The following RIMKLB variants were observed in gnomAD, a reference collection of about 807,000 sequenced individuals.
RIMKLB encodes ribosomal modification protein rimK like family member B.
In RIMKLB, 7 loss-of-function variants were observed where a neutral mutation model predicts 32.0. The observed-to-expected ratio is 0.22, with a 90% CI of 0.12 to 0.41. The LOEUF is 0.41. RIMKLB is among the 10% of genes least tolerant of loss of function. RIMKLB has a pLI of 1.00. For synonymous variants in RIMKLB, 172 were observed against 185.1 expected (o/e 0.93, Z 0.57); for missense variants, 289 against 498.7 (o/e 0.58, Z 4.00).
intron 1 of RIMKLB, among the ~76,000 whole-genome samples, chr12:8,712,619 G>A (rs1248041494): frequency 3.3e-5 from 5 of 152,134 alleles, no homozygotes; most frequent in African/African-American, 1.2e-4. Flanking sequence ...GGTCAAGAGA[G>A]AGGTAGGTGG....
intron 5 of RIMKLB, among the ~76,000 whole-genome samples, chr12:8,768,311 G>A (rs774486659): frequency 1.1e-3 from 160 of 152,330 alleles, no homozygotes; most frequent in African/African-American, 3.7e-3. Context: ...GGAAGTCAAC[G>A]GTGGGTCTGG....
At chr12:8,687,865 A>G (rs989319204) in intron 1 of RIMKLB, among the ~76,000 whole-genome samples, 4 of 151,294 alleles carry the variant, frequency 2.6e-5, no homozygotes, top group Admixed American at 2.0e-4. Context: ...GAGAGCTTCA[A>G]GAAACAATTG....
intron 1 of RIMKLB, among the ~76,000 whole-genome samples, chr12:8,709,251 A>G (rs1180625614): frequency 3.3e-5 from 5 of 152,274 alleles, no homozygotes; most frequent in Non-Finnish European, 7.3e-5. Flanking sequence ...CTGGATCATT[A>G]GCAGGACTGT....
upstream of RIMKLB, among the ~76,000 whole-genome samples, chr12:8,696,670 AG>A (rs765343724): frequency 2.5e-4 from 38 of 152,258 alleles, no homozygotes; most frequent in East Asian, 6.4e-3. Flanking sequence ...CAATCCGGGC[AG>A]TCTGGATCCA....
intron 4 of RIMKLB, 73 bp downstream of exon 4, chr12:8,752,116 G>GA (rs971650839): frequency 7.3e-6 from 7 of 961,510 alleles, no homozygotes; most frequent in Non-Finnish European, 1.1e-5. Flanking sequence ...TGACTTTGAA[G>GA]AATAGTTAGA....
chr12:8,699,609 G>C (rs1271828449), intron 1 of RIMKLB, among the ~76,000 whole-genome samples: 1 of 152,038 alleles, frequency 6.6e-6, no homozygotes, highest in Admixed American at 6.6e-5. Flanking sequence ...CAAAGGGGAG[G>C]AGGCCTATTT....
chr12:8,771,818 TC>T (rs1467843527), intron 5 of RIMKLB, among the ~76,000 whole-genome samples: 1 of 152,234 alleles, frequency 6.6e-6, no homozygotes, highest in African/African-American at 2.4e-5. Flanking sequence ...TTATTGCCTC[TC>T]CATCTGTTTC....
At chr12:8,682,229 G>A (rs1000040783) in intron 1 of RIMKLB, among the ~76,000 whole-genome samples, 2 of 152,056 alleles carry the variant, frequency 1.3e-5, no homozygotes, top group African/African-American at 4.8e-5. Context: ...TCCTAAATCG[G>A]GACACGAGAG....
intron 1 of RIMKLB, among the ~76,000 whole-genome samples, chr12:8,707,665 T>C (rs184096469): frequency 8.9e-4 from 136 of 152,310 alleles, no homozygotes; most frequent in African/African-American, 3.1e-3. Flanking sequence ...CCTTGGTCTT[T>C]CTGGTGACCA....
chr12:8,780,281 G>A (rs1950956748), downstream of RIMKLB: 2 of 152,202 alleles, frequency 1.3e-5, no homozygotes, highest in African/African-American at 4.8e-5. Flanking sequence ...GGTAGGTAAA[G>A]AAGGAAACAG....
chr12:8,777,215 C>CTTTTTTGTTTTTTT (rs1950778506), downstream of RIMKLB: 1 of 644,906 alleles, frequency 1.6e-6, no homozygotes, highest in Non-Finnish European at 1.8e-6. Context: ...TGCTTGCTTT[C>CTTTTTTGTTTTTTT]TTTTTTTTTT....
At chr12:8,742,190 GC>G (rs1947620298) in intron 2 of RIMKLB, among the ~76,000 whole-genome samples, 1 of 151,906 alleles carries the variant, frequency 6.6e-6, no homozygotes, top group Non-Finnish European at 1.5e-5. Context: ...GAGCCACCAT[GC>G]CCGGCTGGAG....
chr12:8,749,075 C>A (rs1948405403), intron 2 of RIMKLB, among the ~76,000 whole-genome samples: 1 of 152,020 alleles, frequency 6.6e-6, no homozygotes, highest in Non-Finnish European at 1.5e-5. Flanking sequence ...GGCATATGTT[C>A]TCACTTTTTA....
chr12:8,756,684 C>CT (rs145312687), intron 5 of RIMKLB, among the ~76,000 whole-genome samples: 3,740 of 90,908 alleles, frequency 0.041, 231 homozygotes, highest in African/African-American at 0.085. Context: ...TTACTTTCTA[C>CT]TTTTTTTTTT....
chr12:8,701,602 G>A (rs1019349109), intron 1 of RIMKLB, among the ~76,000 whole-genome samples: 35 of 147,828 alleles, frequency 2.4e-4, no homozygotes, highest in Non-Finnish European at 4.3e-4. Context: ...ATCATTTCTG[G>A]ATCAGTTATA....
At chr12:8,757,763 C>T (rs1949176142) in intron 5 of RIMKLB, among the ~76,000 whole-genome samples, 1 of 152,080 alleles carries the variant, frequency 6.6e-6, no homozygotes, top group Admixed American at 6.6e-5. Context: ...CCCATTCACC[C>T]AGAAGTGGGA....
intron 2 of RIMKLB, among the ~76,000 whole-genome samples, chr12:8,748,531 T>C (rs112881616): frequency 0.032 from 3,551 of 111,012 alleles, 144 homozygotes; most frequent in African/African-American, 0.094. Flanking sequence ...TGTGTGTGTG[T>C]GTGTGTGTGT....
intron 1 of RIMKLB, among the ~76,000 whole-genome samples, chr12:8,706,697 G>A (rs976249438): frequency 6.6e-6 from 1 of 151,744 alleles, no homozygotes; most frequent in Non-Finnish European, 1.5e-5. Flanking sequence ...AGGTGATCCC[G>A]CCCACCTCAG....
chr12:8,758,057 T>C (rs1053796583), intron 5 of RIMKLB, among the ~76,000 whole-genome samples: 1 of 151,938 alleles, frequency 6.6e-6, no homozygotes, highest in Admixed American at 6.6e-5. Context: ...CTTGCCTCCC[T>C]GAGAGCTGGG....
Sources: allele counts gnomAD v4.1 joint callset (sites outside exome capture counted in the v4.1 genomes callset), GRCh38; gene constraint gnomAD v4.1.1; transcripts MANE v1.5; gene names NCBI Gene and HGNC (gene_info 2026-07-23, HGNC 2026-07-21).